DHX34: variants seen among roughly 807,000 people sequenced by gnomAD.
The protein encoded by DHX34 is probable ATP-dependent RNA helicase DHX34.
A neutral mutation model predicts 111.1 loss-of-function variants in DHX34; 96 were observed. That is an observed-to-expected ratio of 0.86 (90% confidence interval 0.73 to 1.02). DHX34 has a LOEUF of 1.02. Ranked by LOEUF, DHX34 falls within the 50% of genes least tolerant of loss-of-function variation. The pLI, the probability that DHX34 is intolerant of heterozygous loss-of-function variation, is 0.00. For synonymous variants in DHX34, 688 were observed against 670.4 expected (o/e 1.03, Z -0.41); for missense variants, 1,560 against 1,579.9 (o/e 0.99, Z 0.21).
Position 47,360,049 on chromosome 19 carries a change from A to T in DHX34, c.1354A>T (p.Ile452Phe), listed in dbSNP as rs760190922. The part of the protein sequence containing the change: ...IAETSVTIDG[I>F]RFVVDSGKVK... The stretch of plus-strand genomic sequence containing the variant: ...TGAGACCTCAGTCACCATTGACGGG[A>T]TCCGCTTCGTAGTAGATTCCGGTAA... The change falls in exon 5 of 17, where the codon ATC (isoleucine) becomes TTC (phenylalanine). Residue 452 changes from isoleucine (I) to phenylalanine (F), a missense_variant. Physicochemically the swap from Ile to Phe is conservative, Grantham distance 21. Transcript: ENST00000328771. 3.1e-6 allele frequency: 5 copies of T among 1,613,762 alleles called. No homozygotes were observed. The East Asian group carries it at 1.1e-4, about 36-fold the overall frequency.
intron 10 of DHX34, 47 bp downstream of exon 10, chr19:47,375,755 T>C (rs1970129440): frequency 6.4e-7 from 1 of 1,559,692 alleles, no homozygotes; most frequent in South Asian, 1.2e-5. Context: ...AAGGTGGGCC[T>C]TGGCCTCTCC....
At chr19:47,368,639 T>TACACACACACAC in intron 7 of DHX34, among the ~76,000 whole-genome samples, 1 of 145,760 alleles carries the variant, frequency 6.9e-6, no homozygotes, top group Non-Finnish European at 1.5e-5. Flanking sequence ...TGTATATATA[T>TACACACACACAC]ACACACACAC....
chr19:47,377,096 T>C lies in DHX34; in HGVS notation c.2600-4T>C, dbSNP rs767365711. The C allele has an allele frequency of 6.2e-7, 1 of 1,613,916 alleles. No individual in the cohort carries two copies. Among genetic ancestry groups the C allele is most frequent in the East Asian group, 2.2e-5 (1 of 44,866 alleles). On this transcript the variant is annotated splice_region_variant and splice_polypyrimidine_tract_variant and intron_variant, in intron 12 of 16. Coordinates refer to ENST00000328771, the MANE Select transcript of DHX34 (RefSeq NM_014681.6). ...GGCCTGAGCGGTCCTCCTCAACCTT[T>C]CAGACGACAAGGACAAGATGAGCAG...
At position 47,380,883 on chromosome 19, in the gene DHX34, T is replaced by C; in HGVS notation, c.3050T>C (p.Ile1017Thr). ...VQNMYVGPQT[I>T]PATPHLPGLF... ...AACATGTATGTGGGACCCCAGACCA[T>C]CCCAGCCACCCCCCATCTTCCTGGC... Residue 1017 changes from isoleucine to threonine, a missense_variant, in exon 15 of 17, where the codon ATC becomes ACC. By Grantham distance (89) the Ile-to-Thr change is moderately conservative (BLOSUM62 -1). Coordinates refer to ENST00000328771, the MANE Select transcript of DHX34 (RefSeq NM_014681.6). 6.2e-7 allele frequency: 1 copy of C among 1,613,754 alleles called. No homozygotes were observed.
rs1322559006 is a variant in DHX34, at chr19:47,375,529, A to G, written c.2128A>G (p.Ser710Gly). Reference protein sequence around the residue: ...AQAAQVGDSYSRLQQRRERRA... With the variant: ...AQAAQVGDSYGRLQQRRERRA... Reference sequence around the variant, plus strand: ...GGCCGCGCAGGTAGGGGACAGCTACAGTCGGTTGCAGCAGCGCCGGGAGCG... The same window carrying G: ...GGCCGCGCAGGTAGGGGACAGCTACGGTCGGTTGCAGCAGCGCCGGGAGCG... Residue 710 changes from serine (S) to glycine (G), a missense_variant, in exon 10 of 17, where the codon AGT becomes GGT. Transcript: ENST00000328771. 11 of 1,563,912 alleles carry G rather than the reference A, an allele frequency of 7.0e-6. No individual in the cohort carries two copies. The highest frequency in any genetic ancestry group is 2.4e-5 in the East Asian group (1 of 42,542).
chr19:47,368,057 T>A (rs1969846954), intron 7 of DHX34, among the ~76,000 whole-genome samples: 1 of 151,578 alleles, frequency 6.6e-6, no homozygotes, highest in Admixed American at 6.6e-5. Context: ...GTCTTGGAAA[T>A]CTTGGTTTGG....
intron 15 of DHX34, 75 bp from the exon 16 acceptor site, chr19:47,381,110 GA>G: frequency 6.3e-7 from 1 of 1,586,420 alleles, no homozygotes; most frequent in Non-Finnish European, 8.6e-7. Context: ...GGGCTTCTGG[GA>G]AGGGTCCCGG....
intron 4 of DHX34, among the ~76,000 whole-genome samples, chr19:47,358,461 T>G (rs1318935463): frequency 6.6e-6 from 1 of 151,996 alleles, no homozygotes; most frequent in Non-Finnish European, 1.5e-5. Context: ...AAACAGTTTT[T>G]TTTTTTTTTT....
chr19:47,360,070 G>T lies in DHX34; in HGVS notation c.1375G>T (p.Gly459Ter), dbSNP rs765082398. The T allele has an allele frequency of 1.2e-6, 2 of 1,613,768 alleles. No homozygotes were observed. Among genetic ancestry groups the T allele is most frequent in the East Asian group, 2.2e-5 (1 of 44,882 alleles). ...CGGGATCCGCTTCGTAGTAGATTCC[G>T]GTAAGGACCACCATGAGCCCCTACC... ...IDGIRFVVDSGKVKEMSYDPQ... is the reference protein window; with the variant it reads ...IDGIRFVVDS The change falls in exon 5 of 17, where the codon GGA (glycine) becomes TGA (stop). Residue 459 changes from glycine to a stop codon, truncating the protein, a stop_gained and splice_region_variant. Transcript: ENST00000328771. LOFTEE classifies it high-confidence loss of function.
chr19:47,355,222 C>T lies in DHX34; in HGVS notation c.889C>T (p.Arg297Cys), dbSNP rs757516778. The T allele has an allele frequency of 1.4e-5, 22 of 1,614,214 alleles. No individual in the cohort carries two copies. Among genetic ancestry groups the T allele is most frequent in the South Asian group, 6.6e-5 (6 of 91,082 alleles). ...CGATTTCCTCCTGGGCGTCCTCCAGCGCCTGTTGCCCACGCGGCCTGACCT... is the reference window on the plus strand; with the variant it reads ...CGATTTCCTCCTGGGCGTCCTCCAGTGCCTGTTGCCCACGCGGCCTGACCT... ...HNDFLLGVLQRLLPTRPDLKV... is the reference protein window; with the variant it reads ...HNDFLLGVLQCLLPTRPDLKV... The change falls in exon 3 of 17, where the codon CGC (arginine) becomes TGC (cysteine). Residue 297 changes from arginine to cysteine, a missense_variant. Arg to Cys is a radical substitution (Grantham distance 180). Transcript: ENST00000328771.
At chr19:47,368,667 CACACATATAT>C (rs1969875686) in intron 7 of DHX34, among the ~76,000 whole-genome samples, 1 of 150,048 alleles carries the variant, frequency 6.7e-6, no homozygotes, top group South Asian at 2.1e-4. Context: ...CACACATACA[CACACATATAT>C]ATACATACAC....
At chr19:47,370,779 T>C (rs1300913154) in intron 7 of DHX34, among the ~76,000 whole-genome samples, 2 of 152,174 alleles carry the variant, frequency 1.3e-5, no homozygotes, top group Non-Finnish European at 2.9e-5. Context: ...CGGGTTCAAG[T>C]GATCCTCCCA....
chr19:47,371,846 T>G (rs193008242), intron 7 of DHX34, among the ~76,000 whole-genome samples: 104 of 151,936 alleles, frequency 6.8e-4, no homozygotes, highest in Middle Eastern at 3.4e-3. Context: ...GTGATCTGCT[T>G]GAGTCCAGTT....
In DHX34 at chr19:47,377,220, C is replaced by G; in HGVS notation, c.2706+14C>G. 1 of 1,606,238 alleles carries G rather than the reference C, an allele frequency of 6.2e-7. No individual in the cohort carries two copies. The highest frequency in any genetic ancestry group is 8.5e-7 in the Non-Finnish European group (1 of 1,176,384). ...CCTGCCCTCCAGGTGGGCCTCTGCC[C>G]CACCCCGCCCCCATGCCCAGATATG... On this transcript the variant is annotated intron_variant, in intron 13 of 16. Transcript: ENST00000328771.
intron 13 of DHX34, 93 bp from the exon 14 acceptor site, chr19:47,379,617 G>T (rs1970285135): frequency 1.3e-6 from 2 of 1,507,670 alleles, no homozygotes; most frequent in Non-Finnish European, 1.8e-6. Context: ...GACAGGGCTG[G>T]TGGGTGGGCA....
In DHX34 at chr19:47,358,179, C is replaced by T. The variant is rs550959049; in HGVS notation, c.1272+59C>T. 244 of 1,561,962 alleles carry T rather than the reference C, an allele frequency of 1.6e-4. 1 individual carries two copies. In the African/African-American group the frequency reaches 2.7e-3, roughly 18 times the overall value. On this transcript the variant is annotated intron_variant, in intron 4 of 16. Coordinates refer to ENST00000328771, the MANE Select transcript of DHX34 (RefSeq NM_014681.6). Reference sequence around the variant, plus strand: ...GGTCTGCATGAGTCAGGGGTGGCTGCGCACAGGACTTGTGTAACTCCACAA... The same window carrying T: ...GGTCTGCATGAGTCAGGGGTGGCTGTGCACAGGACTTGTGTAACTCCACAA...
In DHX34 at chr19:47,358,031, C is replaced by G. The variant is rs754172613; in HGVS notation, c.1183C>G (p.Leu395Val). The change falls in exon 4 of 17, where the codon CTG becomes GTG. Residue 395 changes from leucine (L) to valine (V), a missense_variant. Transcript: ENST00000328771. ...CGGCATGGCGGAGATCAGCGCCGTGCTGGAGGCTGCCCAGACCTATGCCAG... is the reference window on the plus strand; with the variant it reads ...CGGCATGGCGGAGATCAGCGCCGTGGTGGAGGCTGCCCAGACCTATGCCAG... ...LSGMAEISAV[L>V]EAAQTYASHT... 6.2e-7 allele frequency: 1 copy of G among 1,613,418 alleles called. No individual in the cohort carries two copies. Among genetic ancestry groups the G allele is most frequent in the East Asian group, 2.2e-5 (1 of 44,890 alleles).
rs533020500 is a variant in DHX34 at position 47,381,337 on chromosome 19, CTG to C, written c.3298+16_3298+17del. 2.6e-5 allele frequency: 42 copies of C among 1,606,808 alleles called. No homozygotes were observed. In the East Asian group the frequency reaches 8.7e-4, roughly 33 times the overall value. Reference sequence around the variant, plus strand: ...GATGGGCCCCCAGGTAAGCACAGGACTGTGGGGACCCGGCCACCTCTGCCCAG... The same window carrying C: ...GATGGGCCCCCAGGTAAGCACAGGACTGGGGACCCGGCCACCTCTGCCCAG... On this transcript the variant is annotated intron_variant, in intron 16 of 16. Coordinates refer to ENST00000328771, the MANE Select transcript of DHX34 (RefSeq NM_014681.6).
At chr19:47,361,450 C>T (rs1969628600) in intron 5 of DHX34, among the ~76,000 whole-genome samples, 1 of 150,758 alleles carries the variant, frequency 6.6e-6, no homozygotes, top group South Asian at 2.1e-4. Flanking sequence ...AGAGCGAGAC[C>T]CTGTTTAAAA....
Sources: allele counts gnomAD v4.1 joint callset (sites outside exome capture counted in the v4.1 genomes callset), GRCh38; gene constraint gnomAD v4.1.1; transcripts MANE v1.5; gene names NCBI Gene and HGNC (gene_info 2026-07-23, HGNC 2026-07-21).